Variants in DSCAM observed in about 807,000 individuals in gnomAD.
DSCAM encodes the protein cell adhesion molecule DSCAM.
DSCAM carries 47 observed loss-of-function variants against 217.7 expected under a neutral mutation model. The ratio of observed to expected loss-of-function variants is 0.22; its 90% CI spans 0.17 to 0.28. The LOEUF (loss-of-function observed/expected upper bound fraction) is 0.28, where lower values mean the gene tolerates loss of function less well. Ranked by LOEUF, DSCAM falls within the 10% of genes least tolerant of loss-of-function variation. DSCAM has a pLI of 1.00. For synonymous variants in DSCAM, 1,056 were observed against 1,015.3 expected (o/e 1.04, Z -0.76); for missense variants, 2,080 against 2,618.3 (o/e 0.79, Z 4.49).
intron 9 of DSCAM, among the ~76,000 whole-genome samples, chr21:40,299,750 G>A (rs2123457310): frequency 6.6e-6 from 1 of 152,060 alleles, no homozygotes; most frequent in East Asian, 1.9e-4. Context: ...AAGCATATGA[G>A]AATGACCATT....
intron 3 of DSCAM, among the ~76,000 whole-genome samples, chr21:40,463,667 G>A (rs1446509993): frequency 6.6e-6 from 1 of 152,148 alleles, no homozygotes; most frequent in African/African-American, 2.4e-5. Flanking sequence ...CCCCATGCTG[G>A]CTTTCAAATC....
chr21:40,315,446 T>C (rs1048432144), intron 8 of DSCAM, among the ~76,000 whole-genome samples: 1 of 151,436 alleles, frequency 6.6e-6, no homozygotes, highest in Non-Finnish European at 1.5e-5. Flanking sequence ...TGTAAATAAT[T>C]GTAAAGTATT....
At chr21:40,205,350 C>T (rs754433934) in intron 11 of DSCAM, among the ~76,000 whole-genome samples, 4 of 152,154 alleles carry the variant, frequency 2.6e-5, no homozygotes, top group African/African-American at 9.7e-5. Context: ...TGCCTGTAAT[C>T]CCAGCACTTT....
chr21:40,019,001 C>T (rs1037834453), intron 32 of DSCAM, among the ~76,000 whole-genome samples: 1 of 152,218 alleles, frequency 6.6e-6, no homozygotes, highest in African/African-American at 2.4e-5. Flanking sequence ...TGTGTGCGTG[C>T]TGCAAATGAG....
chr21:40,686,679 C>T (rs1337342629), intron 3 of DSCAM, among the ~76,000 whole-genome samples: 2 of 152,148 alleles, frequency 1.3e-5, no homozygotes, highest in Non-Finnish European at 2.9e-5. Flanking sequence ...CAGGTCTCCT[C>T]CTGGCAGGCT....
intron 3 of DSCAM, among the ~76,000 whole-genome samples, chr21:40,631,220 C>T: frequency 6.6e-6 from 1 of 152,156 alleles, no homozygotes; most frequent in Non-Finnish European, 1.5e-5. Flanking sequence ...CAGATCAGCT[C>T]TGCCACAGTG....
intron 3 of DSCAM, among the ~76,000 whole-genome samples, chr21:40,619,445 A>G (rs936062411): frequency 2.0e-5 from 3 of 152,208 alleles, no homozygotes; most frequent in African/African-American, 7.2e-5. Context: ...TCAACAAAAT[A>G]TAATTTACCT....
intron 3 of DSCAM, among the ~76,000 whole-genome samples, chr21:40,504,658 G>A (rs976566378): frequency 2.6e-5 from 4 of 152,140 alleles, no homozygotes; most frequent in Non-Finnish European, 5.9e-5. Flanking sequence ...TTTAAGACCC[G>A]AGCTGTGCAA....
chr21:40,270,406 GTGTTGCATA>G (rs1315483923), intron 11 of DSCAM, among the ~76,000 whole-genome samples: 1 of 152,220 alleles, frequency 6.6e-6, no homozygotes, highest in Non-Finnish European at 1.5e-5. Flanking sequence ...AGGGATCTGA[GTGTTGCATA>G]TGTGCAGGAT....
chr21:40,025,557 T>A (rs1257845941), intron 32 of DSCAM, among the ~76,000 whole-genome samples: 1 of 150,566 alleles, frequency 6.6e-6, no homozygotes, highest in African/African-American at 2.5e-5. Context: ...GATCCTGTTA[T>A]TGGTCTATTC....
intron 3 of DSCAM, among the ~76,000 whole-genome samples, chr21:40,447,249 G>A (rs1478652690): frequency 2.0e-5 from 3 of 152,186 alleles, no homozygotes; most frequent in Non-Finnish European, 1.5e-5. Flanking sequence ...ATCATGGAAG[G>A]TGGAGATTGC....
chr21:40,457,159 T>A (rs563302160), intron 3 of DSCAM, among the ~76,000 whole-genome samples: 28 of 152,306 alleles, frequency 1.8e-4, no homozygotes, highest in Admixed American at 5.2e-4. Context: ...GTGGCATACT[T>A]AGAATACTTT....
chr21:40,380,775 GAA>G (rs1433633037), intron 3 of DSCAM, among the ~76,000 whole-genome samples: 2 of 152,186 alleles, frequency 1.3e-5, no homozygotes, highest in Admixed American at 6.5e-5. Flanking sequence ...TTTGAAAATA[GAA>G]CTGAGGCCGG....
chr21:40,716,746 A>T (rs970178714), intron 1 of DSCAM, among the ~76,000 whole-genome samples: 26 of 152,240 alleles, frequency 1.7e-4, no homozygotes, highest in African/African-American at 5.8e-4. Context: ...TCACTGATGC[A>T]ATAATATTTA....
intron 16 of DSCAM, 73 bp downstream of exon 16, chr21:40,167,145 A>G (rs536868089): frequency 1.4e-4 from 197 of 1,387,468 alleles, no homozygotes; most frequent in South Asian, 5.0e-4. Flanking sequence ...TCTTGGTGTC[A>G]TAACACTGAA....
chr21:40,478,730 T>C (rs945199853), intron 3 of DSCAM, among the ~76,000 whole-genome samples: 1 of 152,170 alleles, frequency 6.6e-6, no homozygotes, highest in Non-Finnish European at 1.5e-5. Flanking sequence ...AAATAACAAA[T>C]ACAGTAGCCC....
intron 8 of DSCAM, among the ~76,000 whole-genome samples, chr21:40,317,382 T>C (rs780640017): frequency 1.8e-4 from 28 of 152,194 alleles, no homozygotes; most frequent in African/African-American, 2.9e-4. Context: ...ATTTATCACA[T>C]TGATGACTCA....
rs202003617 is a variant in DSCAM at position 40,085,691 on chromosome 21, G to A, written c.4043C>T (p.Thr1348Met). The A allele has an allele frequency of 8.5e-5, 136 of 1,590,778 alleles. 1 individual carries two copies. The highest frequency in any genetic ancestry group is 3.3e-4 in the African/African-American group (25 of 74,790). Reference sequence around the variant, plus strand: ...ATAGCCGGAGTCTTCTGCTTTCACCGTGCGAATAATGAAGCTTCCGTTGCT... The same window carrying A: ...ATAGCCGGAGTCTTCTGCTTTCACCATGCGAATAATGAAGCTTCCGTTGCT... The part of the protein sequence containing the change: ...IFSNGSFIIR[T>M]VKAEDSGYYS... The change falls in exon 23 of 33, where the codon ACG becomes ATG. Residue 1348 changes from threonine (T) to methionine (M), a missense_variant. Physicochemically the swap from Thr to Met is moderately conservative, Grantham distance 81. Coordinates refer to ENST00000400454, the MANE Select transcript of DSCAM (RefSeq NM_001389.5).
intron 1 of DSCAM, among the ~76,000 whole-genome samples, chr21:40,780,397 ACGTGTGTGTGTG>A (rs1316411734): frequency 2.0e-5 from 1 of 49,340 alleles, no homozygotes; most frequent in Non-Finnish European, 4.2e-5. Flanking sequence ...CCAAATATAA[ACGTGTGTGTGTG>A]TGTGTGTGTG....
Sources: allele counts gnomAD v4.1 joint callset (sites outside exome capture counted in the v4.1 genomes callset), GRCh38; gene constraint gnomAD v4.1.1; transcripts MANE v1.5; gene names NCBI Gene and HGNC (gene_info 2026-07-23, HGNC 2026-07-21).